The following ERN1 variants were observed in gnomAD, a reference collection of about 807,000 sequenced individuals.
ERN1 encodes serine/threonine-protein kinase/endoribonuclease IRE1.
ERN1 carries 39 observed loss-of-function variants against 113.1 expected under a neutral mutation model. The ratio of observed to expected loss-of-function variants is 0.34; its 90% confidence interval spans 0.27 to 0.45. The LOEUF (loss-of-function observed/expected upper bound fraction) is 0.45. Among genes scored for constraint, ERN1 ranks in the 20% least tolerant of loss-of-function variants. The probability of loss-of-function intolerance (pLI) is 1.00; values close to 1 mark genes in which losing one functional copy is unlikely to be tolerated. For missense variants in ERN1, 976 were observed against 1,274.8 expected (o/e 0.77, Z 3.57); for synonymous variants, 507 against 515.9 (o/e 0.98, Z 0.23).
intron 1 of ERN1, among the ~76,000 whole-genome samples, chr17:64,111,646 C>T (rs935731684): frequency 2.2e-4 from 33 of 152,114 alleles, no homozygotes; most frequent in African/African-American, 7.7e-4. Context: ...CATGAGCCAT[C>T]GCGCCCGGCC....
intron 1 of ERN1, among the ~76,000 whole-genome samples, chr17:64,124,467 T>C (rs187680207): frequency 9.9e-5 from 15 of 152,192 alleles, no homozygotes; most frequent in Admixed American, 4.6e-4. Flanking sequence ...GACAACTGAA[T>C]CATGGGGATG....
intron 1 of ERN1, among the ~76,000 whole-genome samples, chr17:64,126,970 T>G (rs1197402094): frequency 6.6e-6 from 1 of 152,178 alleles, no homozygotes. Context: ...CTTTGGTAAT[T>G]GAGAGATGTG....
In ERN1 at chr17:64,130,103, G is replaced by A. The variant is rs1214451836; in HGVS notation, c.-74C>T. The A allele has an allele frequency of 4.0e-6, 5 of 1,257,354 alleles. No homozygotes were observed. Among genetic ancestry groups the A allele is most frequent in the Admixed American group, 8.3e-5 (2 of 23,970 alleles). The allele number at this position is 1,257,354 out of a possible 1,614,324, so 77.9% of individuals were successfully genotyped here. ...GCGGGGGCGCCGCGACGACAGCGAG[G>A]CGGTGACCGAGCCTCAGCGGACGCA... On this transcript the variant is annotated 5_prime_UTR_variant, in exon 1 of 22. Coordinates refer to ENST00000433197, the MANE Select transcript of ERN1 (RefSeq NM_001433.5). This position sits in a 1 kb window ranked among gnomAD's most constrained non-coding sequence, Gnocchi z 4.0.
chr17:64,105,411 TAAAAA>T (rs796944726), intron 1 of ERN1, among the ~76,000 whole-genome samples: 1 of 151,680 alleles, frequency 6.6e-6, no homozygotes. Flanking sequence ...ATAATAATAA[TAAAAA>T]AAAGACTTCA....
chr17:64,069,643 C>T (rs1322436500), intron 6 of ERN1, among the ~76,000 whole-genome samples: 1 of 152,178 alleles, frequency 6.6e-6, no homozygotes, highest in African/African-American at 2.4e-5. Flanking sequence ...TGATATGTGT[C>T]TCTCTTTCCT....
rs1912771947 is a variant in ERN1, at chr17:64,053,979, G to A, written c.1953+271C>T. 4 of 370,766 alleles carry A rather than the reference G, an allele frequency of 1.1e-5. No homozygotes were observed. The South Asian group carries it at 1.2e-4, about 11-fold the overall frequency. The allele number at this position is 370,766 out of a possible 1,614,324, so 23.0% of individuals were successfully genotyped here. ...TAATTTGACGGGGTCTCACTCTGTT[G>A]TCCAGGCTGGAGTGCAGTGGCACAA... On this transcript the variant is annotated intron_variant, in intron 15 of 21. Transcript: ENST00000433197.
chr17:64,081,464 T>C (rs1598066333), intron 2 of ERN1, among the ~76,000 whole-genome samples: 1 of 152,218 alleles, frequency 6.6e-6, no homozygotes, highest in African/African-American at 2.4e-5. Flanking sequence ...GGTTAAGTTA[T>C]AGAATGTCCA....
intron 15 of ERN1, among the ~76,000 whole-genome samples, chr17:64,053,813 G>A (rs1296509790): frequency 3.3e-5 from 5 of 152,186 alleles, no homozygotes; most frequent in Non-Finnish European, 5.9e-5. Flanking sequence ...CAGGCATGCT[G>A]GGGGGACCAC....
Position 64,088,009 on chromosome 17 carries a change from T to C in ERN1, c.176-7201A>G, listed in dbSNP as rs556290686. ...AATCAACCAAAATTTAAATAATTGT[T>C]TCAAACCAGACTTCGAGATTGACGG... On this transcript the variant is annotated intron_variant, in intron 2 of 21. Coordinates refer to ENST00000433197, the MANE Select transcript of ERN1 (RefSeq NM_001433.5). Among the ~76,000 whole-genome samples, 14 of 152,316 alleles carry C rather than the reference T, an allele frequency of 9.2e-5. No individual in the cohort carries two copies. The South Asian group carries it at 2.1e-3, about 23-fold the overall frequency.
At chr17:64,082,008 C>T (rs1913782855) in intron 2 of ERN1, among the ~76,000 whole-genome samples, 1 of 152,208 alleles carries the variant, frequency 6.6e-6, no homozygotes, top group South Asian at 2.1e-4. Flanking sequence ...GGGGCAAGAA[C>T]AGCAAGTATT....
intron 1 of ERN1, among the ~76,000 whole-genome samples, chr17:64,125,958 T>A (rs1915069928): frequency 6.6e-6 from 1 of 152,330 alleles, no homozygotes; most frequent in South Asian, 2.1e-4. Context: ...GTATTTGCTG[T>A]ATGTTTGTAC....
chr17:64,079,328 A>G (rs1280128970), intron 4 of ERN1, among the ~76,000 whole-genome samples: 1 of 152,210 alleles, frequency 6.6e-6, no homozygotes, highest in African/African-American at 2.4e-5. Context: ...TGGAGACAGC[A>G]TTTCAAACTA....
At chr17:64,067,427 C>A (rs1259575556) in intron 7 of ERN1, among the ~76,000 whole-genome samples, 432 of 82,908 alleles carry the variant, frequency 5.2e-3, no homozygotes, top group African/African-American at 8.2e-3. Context: ...CCCGTCTCTA[C>A]AAAAAAAAAA....
chr17:64,044,203 G>A lies in ERN1; in HGVS notation c.2722-3C>T. 1 of 1,526,314 alleles carries A rather than the reference G, an allele frequency of 6.6e-7. No individual in the cohort carries two copies. The highest frequency in any genetic ancestry group is 2.3e-5 in the East Asian group (1 of 42,762). The allele number at this position is 1,526,314 out of a possible 1,614,324, so 94.5% of individuals were successfully genotyped here. A position where few individuals can be genotyped will look rare whatever the true frequency, so the allele number is the denominator to read the frequency against. On this transcript the variant is annotated splice_polypyrimidine_tract_variant and splice_region_variant and intron_variant, in intron 21 of 21. Transcript: ENST00000433197. The surrounding 1 kb of genome is among the most constrained non-coding windows in gnomAD (Gnocchi z 4.1). ...GGCAGCTCCCGGTAGTGGTGCTTCT[G>A]CAAAGAGTTAGAAAGCTCGGGAGAT...
intron 1 of ERN1, among the ~76,000 whole-genome samples, chr17:64,109,792 G>A (rs544208551): frequency 3.9e-5 from 6 of 152,254 alleles, no homozygotes; most frequent in South Asian, 2.1e-4. Context: ...CAAGGTCTCC[G>A]CCTCCCCGTC....
chr17:64,051,759 G>C (rs1441937953), intron 17 of ERN1, among the ~76,000 whole-genome samples: 4 of 152,034 alleles, frequency 2.6e-5, no homozygotes, highest in Non-Finnish European at 5.9e-5. Flanking sequence ...AAACCCAGTA[G>C]GTATCAAAAC....
chr17:64,105,116 CTCTTT>C (rs1234182450), intron 1 of ERN1, among the ~76,000 whole-genome samples: 2 of 146,060 alleles, frequency 1.4e-5, no homozygotes, highest in African/African-American at 5.6e-5. Context: ...ACATCCCTCT[CTCTTT>C]TTTCTTCTTT....
chr17:64,101,062 C>T (rs1180577352), intron 1 of ERN1, among the ~76,000 whole-genome samples: 1 of 151,966 alleles, frequency 6.6e-6, no homozygotes, highest in Non-Finnish European at 1.5e-5. Context: ...CACTTGCAGC[C>T]CAAACAGTCC....
At chr17:64,098,270 G>A (rs771636327) in intron 1 of ERN1, 29 bp from the exon 2 acceptor site, 3 of 1,613,362 alleles carry the variant, frequency 1.9e-6, no homozygotes, top group South Asian at 2.2e-5. Flanking sequence ...GACTCTTAAT[G>A]TTGATATGAT....
Sources: gnomAD v4.1 joint callset for allele counts (sites outside exome capture counted in the v4.1 genomes callset) on GRCh38, gnomAD v4.1.1 for gene constraint, Gnocchi (gnomAD v3.1) non-coding constraint, MANE v1.5 for transcripts, NCBI Gene and HGNC (gene_info 2026-07-23, HGNC 2026-07-21) for gene names.